Variants in NLRC3 observed in about 807,000 individuals in gnomAD.
The protein encoded by NLRC3 is NLR family CARD domain containing 3.
In NLRC3, 87 loss-of-function variants were observed where a neutral mutation model predicts 91.6. The observed-to-expected ratio is 0.95, with a 90% CI of 0.80 to 1.14. NLRC3 has a LOEUF of 1.14. Among genes scored for constraint, NLRC3 ranks in the 50% most tolerant of loss-of-function variants. NLRC3 has a pLI of 0.00. For missense variants in NLRC3, 1,577 were observed against 1,418.6 expected, an observed-to-expected ratio of 1.11 and a Z score of -1.79; for synonymous variants, 694 against 625.3, an observed-to-expected ratio of 1.11 and a Z score of -1.64.
At position 3,539,146 on chromosome 16, in the gene NLRC3, C is replaced by T. The variant is rs1197522329; in HGVS notation, c.*2679G>A. ...TTTAGCGTACAAGAAGAAATAGATC[C>T]CTCTCATTAGCACTTTAATATCAGT... On this transcript the variant is annotated 3_prime_UTR_variant, in exon 20 of 20. Coordinates refer to ENST00000359128, the MANE Select transcript of NLRC3 (RefSeq NM_178844.4). 3 of 152,064 alleles carry T rather than the reference C, an allele frequency of 2.0e-5. No individual in the cohort carries two copies. In the East Asian group the frequency reaches 5.8e-4, roughly 29 times the overall value. The allele number at this position is 152,064 out of a possible 1,614,324, so 9.4% of individuals were successfully genotyped here.
chr16:3,544,299 T>C lies in NLRC3; in HGVS notation c.2802A>G (p.Gly934=). 1 of 1,613,376 alleles carries C rather than the reference T, an allele frequency of 6.2e-7. No individual in the cohort carries two copies. Among genetic ancestry groups the C allele is most frequent in the Non-Finnish European group, 8.5e-7 (1 of 1,179,416 alleles). Reference sequence around the variant, plus strand: ...TCAGTGCACGGGCCACCGCACACGCTCCGTCATCCCCGATGGCGTTCTCCT... The same window carrying C: ...TCAGTGCACGGGCCACCGCACACGCCCCGTCATCCCCGATGGCGTTCTCCT... ...DLQENAIGDD[G]ACAVARALKV... Residue 934 remains glycine (G), a synonymous_variant, in exon 16 of 20, where the codon GGA becomes GGG. Transcript: ENST00000359128.
intron 8 of NLRC3, chr16:3,555,897 T>C (rs1388088276): frequency 6.6e-6 from 1 of 150,808 alleles, no homozygotes; most frequent in Non-Finnish European, 1.5e-5. Context: ...CAGTCAATTT[T>C]ATGGTACATG....
intron 14 of NLRC3, 51 bp from the exon 15 acceptor site, chr16:3,548,269 C>G: frequency 6.9e-7 from 1 of 1,452,870 alleles, no homozygotes; most frequent in African/African-American, 1.4e-5. Context: ...CTATGTGGCC[C>G]TGGGGCAGAG....
rs773442789 is a variant in NLRC3 at position 3,563,818 on chromosome 16, G to T, written c.1119C>A (p.Ser373Arg). ...CCTTGCCCTTCTCCTGCCCCTCCCC[G>T]CTGAGGGCCATCCTAAAGTACCATG... is the stretch of plus-strand genomic sequence containing the variant. ...LYSWYFRMAL[S>R]GEGQEKGKAS... is the part of the protein sequence containing the mutation. The change falls in exon 5 of 20, where the codon AGC becomes AGA. Residue 373 changes from serine (S) to arginine (R), a missense_variant. Transcript: ENST00000359128. 24 of 1,609,330 alleles carry T rather than the reference G, an allele frequency of 1.5e-5. No individual in the cohort carries two copies. Among genetic ancestry groups the T allele is most frequent in the Non-Finnish European group, 2.0e-5 (23 of 1,177,528 alleles).
chr16:3,549,633 A>T, intron 12 of NLRC3, 64 bp downstream of exon 12: 1 of 1,234,024 alleles, frequency 8.1e-7, no homozygotes, highest in Non-Finnish European at 1.2e-6. Flanking sequence ...CCCAGTGCCA[A>T]GTCCCTGCAG....
chr16:3,576,907 T>C (rs2040324030), intron 1 of NLRC3, among the ~76,000 whole-genome samples: 1 of 152,168 alleles, frequency 6.6e-6, no homozygotes, highest in South Asian at 2.1e-4. Flanking sequence ...TGACCTCAAG[T>C]GATCCGCCCA....
chr16:3,543,114 G>T, intron 17 of NLRC3: 1 of 483,150 alleles, frequency 2.1e-6, no homozygotes. Context: ...GGACATGCCT[G>T]AGCCTCAGAG....
chr16:3,544,099 A>T, intron 16 of NLRC3, 147 bp downstream of exon 16: 1 of 600,690 alleles, frequency 1.7e-6, no homozygotes, highest in Admixed American at 2.9e-5. Context: ...TGGAGGTTAC[A>T]GTTAGCTGAG....
In NLRC3 at chr16:3,548,728, G is replaced by C; in HGVS notation, c.2629C>G (p.Gln877Glu). The change falls in exon 14 of 20, where the codon CAG (glutamine) becomes GAG (glutamate). Residue 877 changes from glutamine to glutamate, a missense_variant. Gln to Glu is a conservative substitution (Grantham distance 29). Coordinates refer to ENST00000359128, the MANE Select transcript of NLRC3 (RefSeq NM_178844.4). ...GCCACTGCGATGGCCCGGGCACCCT[G>C]GTCGTGGAGGAGGTTGGCTGTCAGG... ...LDLTANLLHDQGARAIAVAVR... is the reference protein window; with the variant it reads ...LDLTANLLHDEGARAIAVAVR... The C allele has an allele frequency of 6.2e-7, 1 of 1,604,212 alleles. No individual in the cohort carries two copies. Among genetic ancestry groups the C allele is most frequent in the African/African-American group, 1.3e-5 (1 of 74,948 alleles).
chr16:3,548,612 T>C, intron 14 of NLRC3, 58 bp downstream of exon 14: 2 of 1,309,302 alleles, frequency 1.5e-6, no homozygotes, highest in Non-Finnish European at 2.1e-6. Flanking sequence ...TTGGTTTGGG[T>C]GGAGCCCGGC....
At position 3,564,766 on chromosome 16, in the gene NLRC3, AC is replaced by A; in HGVS notation, c.179-9del. 1 of 1,571,384 alleles carries A rather than the reference AC, an allele frequency of 6.4e-7. No individual in the cohort carries two copies. ...GCCTCTGTATCCTTGAGTCTGCGGG[AC>A]AGAGGCCAGTGGGGAGGTCTGGTAA... On this transcript the variant is annotated splice_polypyrimidine_tract_variant and intron_variant, in intron 4 of 19. Transcript: ENST00000359128. The surrounding 1 kb of genome is among the most constrained non-coding windows in gnomAD (Gnocchi z 5.9).
intron 10 of NLRC3, among the ~76,000 whole-genome samples, chr16:3,551,830 TCCATCCACCTGCCTAC>T (rs1362596106): frequency 1.9e-4 from 28 of 149,132 alleles, no homozygotes; most frequent in African/African-American, 6.2e-4. Flanking sequence ...CATCCATCCA[TCCATCCACCTGCCTAC>T]CCATCCACCA....
In NLRC3 at chr16:3,547,085, G is replaced by C. The variant is rs578126961; in HGVS notation, c.2771+1050C>G. Among the ~76,000 whole-genome samples the C allele has an allele frequency of 5.3e-5, 8 of 152,312 alleles. No homozygotes were observed. The South Asian group carries it at 1.7e-3, about 32-fold the overall frequency. ...GAGAAGGAAAGCTCACGTCCACACAGAAACTGGTGCACAAAGGTCCACAGC... is the reference window on the plus strand; with the variant it reads ...GAGAAGGAAAGCTCACGTCCACACACAAACTGGTGCACAAAGGTCCACAGC... On this transcript the variant is annotated intron_variant, in intron 15 of 19. Transcript: ENST00000359128.
intron 6 of NLRC3, among the ~76,000 whole-genome samples, chr16:3,558,396 G>A (rs1224554605): frequency 6.6e-5 from 10 of 151,966 alleles, no homozygotes; most frequent in African/African-American, 1.7e-4. Context: ...ACTTTCCATG[G>A]TATAAATACT....
Position 3,563,017 on chromosome 16 carries a change from C to G in NLRC3, c.1920G>C (p.Arg640=). ...QSLLPQLLYC[R]KLRLDTNQFQ... The stretch of plus-strand genomic sequence containing the variant: ...CCTGCCCTGGTATCCACCTGAGCTT[C>G]CGGCAGTAGAGCAGCTGGGGCAGCA... Residue 640 remains arginine (R), a synonymous_variant, in exon 5 of 20, where the codon CGG becomes CGC. Transcript: ENST00000359128. 1 of 1,552,912 alleles carries G rather than the reference C, an allele frequency of 6.4e-7. No homozygotes were observed. The highest frequency in any genetic ancestry group is 1.9e-5 in the Admixed American group (1 of 51,374).
chr16:3,553,903 G>A (rs1471988111), intron 9 of NLRC3, among the ~76,000 whole-genome samples: 1 of 148,306 alleles, frequency 6.7e-6, no homozygotes, highest in African/African-American at 2.5e-5. Flanking sequence ...CACCATGCCT[G>A]GTTAATTTTT....
chr16:3,547,640 ATG>A (rs972046344), intron 15 of NLRC3, among the ~76,000 whole-genome samples: 3 of 151,516 alleles, frequency 2.0e-5, no homozygotes, highest in Admixed American at 6.6e-5. Flanking sequence ...GTGTGTGTAT[ATG>A]TGTGTGTGTG....
chr16:3,547,762 G>A (rs749475609), intron 15 of NLRC3, among the ~76,000 whole-genome samples: 13 of 152,100 alleles, frequency 8.5e-5, no homozygotes, highest in Non-Finnish European at 1.2e-4. Flanking sequence ...TGTGCCTCCT[G>A]AGTTTAAGCG....
At position 3,564,438 on chromosome 16, in the gene NLRC3, C is replaced by A; in HGVS notation, c.499G>T (p.Val167Phe). 1.2e-6 allele frequency: 2 copies of A among 1,612,792 alleles called. No homozygotes were observed. The highest frequency in any genetic ancestry group is 1.1e-5 in the South Asian group (1 of 91,092). The change falls in exon 5 of 20, where the codon GTC (valine) becomes TTC (phenylalanine). Residue 167 changes from valine (V) to phenylalanine (F), a missense_variant. Val to Phe is a conservative substitution (Grantham distance 50). Transcript: ENST00000359128. The surrounding 1 kb of genome is among the most constrained non-coding windows in gnomAD (Gnocchi z 5.9). Reference sequence around the variant, plus strand: ...AGCACCAGCGAGAAGTCCTTGCCGACCTGCCCATGGGCCCAGAGGCGGACG... The same window carrying A: ...AGCACCAGCGAGAAGTCCTTGCCGAACTGCCCATGGGCCCAGAGGCGGACG... ...HFVRLWAHGQ[V>F]GKDFSLVLPL...
Sources: gnomAD v4.1 joint callset for allele counts (sites outside exome capture counted in the v4.1 genomes callset) on GRCh38, gnomAD v4.1.1 for gene constraint, Gnocchi (gnomAD v3.1) non-coding constraint, MANE v1.5 for transcripts, NCBI Gene and HGNC (gene_info 2026-07-23, HGNC 2026-07-21) for gene names.